The following HIRA variants were observed in gnomAD, a reference collection of about 807,000 sequenced individuals.
HIRA encodes protein HIRA.
In HIRA, 13 loss-of-function variants were observed where a neutral mutation model predicts 126.6. That is an observed-to-expected ratio of 0.10 (90% CI 0.07 to 0.16). The LOEUF is 0.16. HIRA is among the 10% of genes least tolerant of loss of function. The pLI is 1.00. For missense variants in HIRA, 834 were observed against 1,314.4 expected (o/e 0.63, Z 5.65); for synonymous variants, 511 against 520.0 (o/e 0.98, Z 0.24).
chr22:19,355,982 C>T (rs5993612), intron 20 of HIRA, 117 bp from the exon 21 acceptor site: 3 of 780,006 alleles, frequency 3.8e-6, no homozygotes, highest in Admixed American at 2.1e-5. Flanking sequence ...AATGCATCAA[C>T]ACTGCCTTGG....
chr22:19,418,919 GAAATA>G (rs1430450959), intron 1 of HIRA, among the ~76,000 whole-genome samples: 6 of 111,984 alleles, frequency 5.4e-5, no homozygotes, highest in African/African-American at 1.4e-4. Context: ...ATCTCGATAA[GAAATA>G]AACACACACA....
chr22:19,391,484 T>C (rs1350936734), intron 9 of HIRA, among the ~76,000 whole-genome samples: 1 of 98,646 alleles, frequency 1.0e-5, no homozygotes, highest in Non-Finnish European at 1.7e-5. Flanking sequence ...TTTCTTTTTC[T>C]TTTTTTTTTT....
Position 19,359,470 on chromosome 22 carries a change from A to G in HIRA, c.2100T>C (p.Pro700=), listed in dbSNP as rs761702236. Residue 700 remains proline, a synonymous_variant, in exon 18 of 25, where the codon CCT becomes CCC. Transcript: ENST00000263208. ...RAFTLQVSSD[P]SMYIEVENEV... ...CATTCTCCACCTCAATGTACATGGA[A>G]GGATCGGAGCTGACCTGGATGAAGT... is the stretch of plus-strand genomic sequence containing the variant. 2.5e-6 allele frequency: 4 copies of G among 1,607,004 alleles called. No homozygotes were observed. The highest frequency in any genetic ancestry group is 3.4e-5 in the Admixed American group (2 of 58,776).
rs140323821 is a variant in HIRA at position 19,331,184 on chromosome 22, C to T, written c.*256G>A. On this transcript the variant is annotated 3_prime_UTR_variant, in exon 25 of 25. Coordinates refer to ENST00000263208, the MANE Select transcript of HIRA (RefSeq NM_003325.4). ...GACTGCCTTGCTGGCCCCAGGGCACCTGGGCAGAGCTCCAGCCCTAGCTCC... is the reference window on the plus strand; with the variant it reads ...GACTGCCTTGCTGGCCCCAGGGCACTTGGGCAGAGCTCCAGCCCTAGCTCC... The T allele has an allele frequency of 5.7e-6, 8 of 1,408,442 alleles. No individual in the cohort carries two copies. In the Admixed American group the frequency reaches 1.7e-4, roughly 30 times the overall value. The allele number at this position is 1,408,442 out of a possible 1,614,324, so 87.2% of individuals were successfully genotyped here.
rs543094577 is a variant in HIRA at position 19,402,171 on chromosome 22, G to A, written c.397+3615C>T. Among the ~76,000 whole-genome samples the A allele has an allele frequency of 1.4e-4, 21 of 152,226 alleles. No individual in the cohort carries two copies. The East Asian group carries it at 2.1e-3, about 15-fold the overall frequency. On this transcript the variant is annotated intron_variant, in intron 5 of 24. Coordinates refer to ENST00000263208, the MANE Select transcript of HIRA (RefSeq NM_003325.4). ...TTCAAATCTCCTATACTACTCACTC[G>A]TCTGTCTCTTTTACAAGAACAAATC...
chr22:19,339,549 A>G (rs2088603268), intron 24 of HIRA, among the ~76,000 whole-genome samples: 1 of 151,560 alleles, frequency 6.6e-6, no homozygotes, highest in Admixed American at 6.6e-5. Context: ...AGGCCTGAGA[A>G]TTGCTTGAAC....
chr22:19,427,618 A>C (rs1398107274), intron 1 of HIRA, among the ~76,000 whole-genome samples: 1 of 152,210 alleles, frequency 6.6e-6, no homozygotes, highest in Non-Finnish European at 1.5e-5. Context: ...AAATTTCCCA[A>C]ATCCCTTTTC....
chr22:19,369,520 T>A (rs530043943), intron 15 of HIRA, among the ~76,000 whole-genome samples: 143 of 152,242 alleles, frequency 9.4e-4, no homozygotes, highest in Non-Finnish European at 1.5e-3. Context: ...AGAAAGACCA[T>A]GTGTCTCAAG....
At chr22:19,381,197 T>C (rs2089070219) in intron 13 of HIRA, among the ~76,000 whole-genome samples, 1 of 152,236 alleles carries the variant, frequency 6.6e-6, no homozygotes, top group African/African-American at 2.4e-5. Flanking sequence ...GCTCTGAGGG[T>C]AGTTGGTGCT....
intron 5 of HIRA, among the ~76,000 whole-genome samples, chr22:19,399,350 C>A (rs1601845175): frequency 6.9e-6 from 1 of 145,778 alleles, no homozygotes. Context: ...AACAGCTTAA[C>A]AGGTTTTTTT....
chr22:19,362,002 TA>T (rs1401322275), intron 15 of HIRA, 71 bp from the exon 16 acceptor site: 3 of 1,464,662 alleles, frequency 2.0e-6, no homozygotes, highest in African/African-American at 2.8e-5. Context: ...GTGAAATATT[TA>T]AAGTGCTTAA....
At chr22:19,391,196 T>A (rs866706620) in intron 9 of HIRA, among the ~76,000 whole-genome samples, 1 of 152,180 alleles carries the variant, frequency 6.6e-6, no homozygotes, top group East Asian at 1.9e-4. Flanking sequence ...TGCAGCAACA[T>A]ACACGAATCT....
chr22:19,422,980 T>C (rs2089460217), intron 1 of HIRA, among the ~76,000 whole-genome samples: 1 of 152,132 alleles, frequency 6.6e-6, no homozygotes, highest in Non-Finnish European at 1.5e-5. Context: ...GCTACAGAAC[T>C]CCCAGCAGGG....
At position 19,361,916 on chromosome 22, in the gene HIRA, G is replaced by A. The variant is rs755222516; in HGVS notation, c.1791C>T (p.Asn597=). The change falls in exon 16 of 25, where the codon AAC becomes AAT. Residue 597 remains asparagine, a synonymous_variant. Coordinates refer to ENST00000263208, the MANE Select transcript of HIRA (RefSeq NM_003325.4). ...CTCGGGGCCTCAGCTCTTTCACAAG[G>A]TTCTGCTCTTTTAACCTGCACAAAA... ...PTAVERLKEQ[N]LVKELRPRDL... is the part of the protein sequence containing the mutation. The A allele has an allele frequency of 1.3e-5, 21 of 1,614,010 alleles. No homozygotes were observed. The highest frequency in any genetic ancestry group is 1.7e-5 in the Admixed American group (1 of 59,996).
rs531688113 is a variant in HIRA, at chr22:19,369,784, T to C, written c.1775+5847A>G. On this transcript the variant is annotated intron_variant, in intron 15 of 24. Transcript: ENST00000263208. The stretch of plus-strand genomic sequence containing the variant: ...CCATCTGTACTAAAAATACAAAAAT[T>C]AGCCGGGCGTCATGGCATACACCTG... Among the ~76,000 whole-genome samples, 8 of 151,978 alleles carry C rather than the reference T, an allele frequency of 5.3e-5. No homozygotes were observed. The South Asian group carries it at 8.4e-4, about 16-fold the overall frequency.
chr22:19,388,457 T>C, intron 10 of HIRA, 27 bp downstream of exon 10: 1 of 1,560,008 alleles, frequency 6.4e-7, no homozygotes, highest in Non-Finnish European at 8.8e-7. Context: ...TTTCTTAACC[T>C]ATTCCTGTAA....
At chr22:19,331,666 G>C in intron 24 of HIRA, 110 bp from the exon 25 acceptor site, 1 of 1,024,966 alleles carries the variant, frequency 9.8e-7, no homozygotes, top group Non-Finnish European at 1.4e-6. Context: ...GAGAAGGAAA[G>C]AACAATTCCT....
chr22:19,390,451 C>T (rs906765028), intron 9 of HIRA, among the ~76,000 whole-genome samples: 1 of 151,132 alleles, frequency 6.6e-6, no homozygotes, highest in Non-Finnish European at 1.5e-5. Flanking sequence ...AAAAATTAAC[C>T]GGGTGTGGTG....
chr22:19,391,386 C>T (rs2089179806), intron 9 of HIRA, among the ~76,000 whole-genome samples: 2 of 152,098 alleles, frequency 1.3e-5, no homozygotes, highest in African/African-American at 4.8e-5. Flanking sequence ...AAAAGGAGTG[C>T]TCTAGGCAGT....
Sources: gnomAD v4.1 joint callset for allele counts (sites outside exome capture counted in the v4.1 genomes callset) on GRCh38, gnomAD v4.1.1 for gene constraint, MANE v1.5 for transcripts, NCBI Gene and HGNC (gene_info 2026-07-23, HGNC 2026-07-21) for gene names.